Variants in TM9SF2 observed in about 807,000 individuals in gnomAD.
TM9SF2 encodes the protein transmembrane 9 superfamily member 2.
Under a neutral mutation model 84.9 loss-of-function variants are expected in TM9SF2, and 13 were observed. The ratio of observed to expected loss-of-function variants is 0.15; its 90% confidence interval spans 0.10 to 0.24. The LOEUF (loss-of-function observed/expected upper bound fraction) is 0.24. TM9SF2 is among the 10% of genes least tolerant of loss of function. The pLI is 1.00. For synonymous variants in TM9SF2, 273 were observed against 285.8 expected (o/e 0.96, Z 0.45); for missense variants, 562 against 818.5 (o/e 0.69, Z 3.82).
chr13:99,510,124 C>T (rs1332607337), intron 1 of TM9SF2, among the ~76,000 whole-genome samples: 3 of 152,204 alleles, frequency 2.0e-5, no homozygotes, highest in Non-Finnish European at 4.4e-5. Flanking sequence ...TGAGACGTAA[C>T]ACGTGTGACC....
chr13:99,518,490 CCTCA>C (rs1476012574), intron 2 of TM9SF2, among the ~76,000 whole-genome samples: 5 of 152,228 alleles, frequency 3.3e-5, no homozygotes, highest in African/African-American at 1.2e-4. Flanking sequence ...TACATAGCTA[CCTCA>C]CTCTTTTTAG....
chr13:99,548,110 C>T (rs992020015), intron 11 of TM9SF2, among the ~76,000 whole-genome samples: 1 of 151,532 alleles, frequency 6.6e-6, no homozygotes, highest in Non-Finnish European at 1.5e-5. Flanking sequence ...CCACACCAGC[C>T]TTACTTCATG....
In TM9SF2 at chr13:99,539,509, G is replaced by A; in HGVS notation, c.780G>A (p.Lys260=). 6.2e-7 allele frequency: 1 copy of A among 1,613,842 alleles called. No individual in the cohort carries two copies. The highest frequency in any genetic ancestry group is 1.1e-5 in the South Asian group (1 of 91,070). ...GGCCCCCCATGGACATAAGTAACAA[G>A]GCTTCTGGGGAGATAAAAATTGCCT... ...CSGPPMDISN[K]ASGEIKIAYT... The change falls in exon 7 of 17, where the codon AAG becomes AAA. Residue 260 remains lysine, a synonymous_variant. Transcript: ENST00000376387.
At chr13:99,555,414 C>T (rs2139111420) in intron 14 of TM9SF2, 122 bp from the exon 15 acceptor site, 2 of 699,030 alleles carry the variant, frequency 2.9e-6, no homozygotes, top group East Asian at 5.6e-5. Flanking sequence ...GATAATTCGT[C>T]TTGTTTGGTT....
At chr13:99,522,852 GTTCC>G (rs1362500205) in intron 3 of TM9SF2, among the ~76,000 whole-genome samples, 2 of 152,242 alleles carry the variant, frequency 1.3e-5, no homozygotes, top group African/African-American at 4.8e-5. Context: ...TGCAAGGACT[GTTCC>G]TTGCTCATAC....
intron 3 of TM9SF2, 53 bp from the exon 4 acceptor site, chr13:99,529,413 AT>A: frequency 6.9e-7 from 1 of 1,448,098 alleles, no homozygotes. Flanking sequence ...TGATATTGGT[AT>A]GAAAAACCTG....
At chr13:99,506,823 A>G (rs2046090737) in intron 1 of TM9SF2, among the ~76,000 whole-genome samples, 2 of 152,226 alleles carry the variant, frequency 1.3e-5, no homozygotes, top group Admixed American at 1.3e-4. Flanking sequence ...CTTAGAGCCC[A>G]GCTGCCCAAA....
At chr13:99,521,791 C>T (rs2046161639) in intron 3 of TM9SF2, among the ~76,000 whole-genome samples, 1 of 152,076 alleles carries the variant, frequency 6.6e-6, no homozygotes, top group African/African-American at 2.4e-5. Context: ...ACTGCAGCCT[C>T]AGACTCCTAG....
intron 1 of TM9SF2, 41 bp from the exon 2 acceptor site, chr13:99,517,573 C>A: frequency 7.4e-7 from 1 of 1,356,602 alleles, no homozygotes; most frequent in Middle Eastern, 1.9e-4. Flanking sequence ...GGCTTTGTGT[C>A]CTGTTGTTTA....
chr13:99,562,210 T>C (rs996343126), intron 16 of TM9SF2, among the ~76,000 whole-genome samples: 4 of 152,242 alleles, frequency 2.6e-5, no homozygotes, highest in Non-Finnish European at 5.9e-5. Context: ...ATGTCACTTT[T>C]AACATTTTGT....
chr13:99,555,521 C>T lies in TM9SF2; in HGVS notation c.1641-15C>T, dbSNP rs192872719. On this transcript the variant is annotated splice_polypyrimidine_tract_variant and intron_variant, in intron 14 of 16. Transcript: ENST00000376387. ...GAAAATATTTATAGTTCCTTCTTGACGTGTTTGATTATAGGTCACACCAGA... is the reference window on the plus strand; with the variant it reads ...GAAAATATTTATAGTTCCTTCTTGATGTGTTTGATTATAGGTCACACCAGA... 9 of 1,541,684 alleles carry T rather than the reference C, an allele frequency of 5.8e-6. No homozygotes were observed. Among genetic ancestry groups the T allele is most frequent in the East Asian group, 2.3e-5 (1 of 44,432 alleles).
chr13:99,529,468 T>G lies in TM9SF2; in HGVS notation c.335T>G (p.Phe112Cys). The change falls in exon 4 of 17, where the codon TTT becomes TGT. Residue 112 changes from phenylalanine (F) to cysteine (C), a missense_variant and splice_region_variant. By Grantham distance (205) the Phe-to-Cys change is radical. Transcript: ENST00000376387. ...GCTTTCCACTTCCTTTTAATACAGT[T>G]TACGTTTAATAAGAAGGAGACCTGT... is the stretch of plus-strand genomic sequence containing the variant. ...GERIEPSPYKFTFNKKETCKL... is the reference protein window; with the variant it reads ...GERIEPSPYKCTFNKKETCKL... 1 of 1,555,148 alleles carries G rather than the reference T, an allele frequency of 6.4e-7. No homozygotes were observed. Among genetic ancestry groups the G allele is most frequent in the Non-Finnish European group, 8.6e-7 (1 of 1,159,080 alleles).
At position 99,501,636 on chromosome 13, in the gene TM9SF2, A is replaced by G; in HGVS notation, c.30A>G (p.Pro10=). ...GCGCGAGGCTGCCGGTGTTGTCTCC[A>G]CCTCGGTGGCCGCGGCTGTTGCTGC... MSARLPVLS[P]PRWPRLLLLS... Residue 10 remains proline (P), a synonymous_variant, in exon 1 of 17, where the codon CCA becomes CCG. Coordinates refer to ENST00000376387, the MANE Select transcript of TM9SF2 (RefSeq NM_004800.3). 6.2e-7 allele frequency: 1 copy of G among 1,610,714 alleles called. No individual in the cohort carries two copies. The highest frequency in any genetic ancestry group is 1.3e-5 in the African/African-American group (1 of 74,102).
intron 1 of TM9SF2, among the ~76,000 whole-genome samples, chr13:99,508,441 A>C (rs866689605): frequency 1.3e-4 from 19 of 148,930 alleles, no homozygotes; most frequent in African/African-American, 3.9e-4. Context: ...ACACACACAC[A>C]CACCCCAGAG....
chr13:99,519,337 G>A (rs1425291620), intron 2 of TM9SF2, among the ~76,000 whole-genome samples: 1 of 150,914 alleles, frequency 6.6e-6, no homozygotes, highest in Non-Finnish European at 1.5e-5. Flanking sequence ...TTCCTCTTTA[G>A]GAATCTCACT....
chr13:99,544,872 C>T (rs971682507), intron 10 of TM9SF2, among the ~76,000 whole-genome samples: 2 of 151,918 alleles, frequency 1.3e-5, no homozygotes, highest in Admixed American at 1.3e-4. Flanking sequence ...CCAACTAGGA[C>T]AATTTTTTTT....
intron 15 of TM9SF2, among the ~76,000 whole-genome samples, chr13:99,558,454 C>T (rs753306263): frequency 3.3e-4 from 51 of 152,300 alleles, no homozygotes; most frequent in African/African-American, 8.2e-4. Flanking sequence ...TCTAATAGTA[C>T]GTAAACATGG....
intron 1 of TM9SF2, among the ~76,000 whole-genome samples, chr13:99,505,434 C>T (rs561114714): frequency 3.9e-5 from 6 of 152,320 alleles, no homozygotes; most frequent in Admixed American, 6.5e-5. Flanking sequence ...GGATTGTAGG[C>T]GTGAGCCACC....
chr13:99,503,933 C>G (rs1008791107), intron 1 of TM9SF2, among the ~76,000 whole-genome samples: 13 of 152,006 alleles, frequency 8.6e-5, no homozygotes, highest in African/African-American at 3.1e-4. Context: ...CAGAGCAGAT[C>G]ATTTTTCCGA....
Sources: gnomAD v4.1 joint callset for allele counts (sites outside exome capture counted in the v4.1 genomes callset) on GRCh38, gnomAD v4.1.1 for gene constraint, MANE v1.5 for transcripts, NCBI Gene and HGNC (gene_info 2026-07-23, HGNC 2026-07-21) for gene names.